Variants in ZCCHC7 observed in about 807,000 individuals in gnomAD.
ZCCHC7 encodes the protein zinc finger CCHC domain-containing protein 7.
Under a neutral mutation model 52.0 loss-of-function variants are expected in ZCCHC7, and 35 were observed. The ratio of observed to expected loss-of-function variants is 0.67; its 90% CI spans 0.51 to 0.89. ZCCHC7 has a LOEUF of 0.89. ZCCHC7 is among the 40% of genes least tolerant of loss of function. The probability of loss-of-function intolerance (pLI) is 0.00; values close to 1 mark genes in which losing one functional copy is unlikely to be tolerated. For missense variants in ZCCHC7, 574 were observed against 649.1 expected, an observed-to-expected ratio of 0.88 and a Z score of 1.26; for synonymous variants, 217 against 221.5, an observed-to-expected ratio of 0.98 and a Z score of 0.18.
At chr9:37,219,213 C>G (rs1047762211) in intron 2 of ZCCHC7, among the ~76,000 whole-genome samples, 2 of 152,246 alleles carry the variant, frequency 1.3e-5, no homozygotes, top group African/African-American at 4.8e-5. Flanking sequence ...CAGGCCACAT[C>G]TGGCCCAATG....
chr9:37,193,202 A>G (rs1588459208), intron 2 of ZCCHC7, among the ~76,000 whole-genome samples: 2 of 152,312 alleles, frequency 1.3e-5, no homozygotes, highest in East Asian at 3.9e-4. Flanking sequence ...ACATCTTTGT[A>G]TTGCTGAAAT....
intron 2 of ZCCHC7, among the ~76,000 whole-genome samples, chr9:37,168,305 C>T (rs1037286705): frequency 5.9e-5 from 9 of 151,978 alleles, no homozygotes; most frequent in South Asian, 2.1e-4. Context: ...TCAGGTGGGA[C>T]GGGAAATCTG....
chr9:37,189,494 C>G (rs1483080871), intron 2 of ZCCHC7, among the ~76,000 whole-genome samples: 3 of 152,164 alleles, frequency 2.0e-5, no homozygotes, highest in African/African-American at 7.2e-5. Context: ...TCAAGCGATT[C>G]TCCTGCGTCA....
intron 2 of ZCCHC7, among the ~76,000 whole-genome samples, chr9:37,207,553 A>G (rs528554131): frequency 4.2e-3 from 243 of 57,446 alleles, no homozygotes; most frequent in African/African-American, 0.015. Flanking sequence ...TTCTTGCTTC[A>G]TTTTTTCCTT....
chr9:37,218,355 A>G (rs1287820508), intron 2 of ZCCHC7, among the ~76,000 whole-genome samples: 1 of 152,204 alleles, frequency 6.6e-6, no homozygotes, highest in African/African-American at 2.4e-5. Flanking sequence ...CTGACTCCCC[A>G]AGTTAACTAT....
chr9:37,331,055 G>A (rs147098701), intron 6 of ZCCHC7, among the ~76,000 whole-genome samples: 1 of 151,826 alleles, frequency 6.6e-6, no homozygotes, highest in African/African-American at 2.4e-5. Flanking sequence ...TGATTTCTTT[G>A]TGTGCATTGT....
At chr9:37,154,910 A>C (rs904295575) in intron 2 of ZCCHC7, among the ~76,000 whole-genome samples, 1 of 152,212 alleles carries the variant, frequency 6.6e-6, no homozygotes, top group Non-Finnish European at 1.5e-5. Flanking sequence ...GATTTTTATT[A>C]AAGTATAGAG....
chr9:37,341,098 C>A (rs1350482279), intron 6 of ZCCHC7, among the ~76,000 whole-genome samples: 2 of 152,046 alleles, frequency 1.3e-5, no homozygotes, highest in African/African-American at 4.8e-5. Context: ...TTCAAAATCT[C>A]GATTAAGAAG....
chr9:37,231,751 C>T (rs534474623), intron 2 of ZCCHC7, among the ~76,000 whole-genome samples: 63 of 152,122 alleles, frequency 4.1e-4, no homozygotes, highest in Non-Finnish European at 7.6e-4. Context: ...TTTGGGGGCA[C>T]ATTTCACCTA....
chr9:37,215,973 G>T (rs1049067347), intron 2 of ZCCHC7, among the ~76,000 whole-genome samples: 8 of 152,144 alleles, frequency 5.3e-5, no homozygotes, highest in African/African-American at 1.7e-4. Context: ...TGGAATTTAT[G>T]TAGGAATTGT....
intron 2 of ZCCHC7, among the ~76,000 whole-genome samples, chr9:37,199,969 G>T (rs1416009798): frequency 6.6e-6 from 1 of 152,116 alleles, no homozygotes; most frequent in African/African-American, 2.4e-5. Flanking sequence ...GCCTCCCAAA[G>T]TGCTGGGATT....
chr9:37,181,377 A>G (rs190733752), intron 2 of ZCCHC7, among the ~76,000 whole-genome samples: 50 of 152,310 alleles, frequency 3.3e-4, no homozygotes, highest in Non-Finnish European at 1.0e-4. Flanking sequence ...TGTGATTTGC[A>G]CTGACTTCAA....
At chr9:37,158,000 G>A (rs554623636) in intron 2 of ZCCHC7, among the ~76,000 whole-genome samples, 9 of 152,350 alleles carry the variant, frequency 5.9e-5, no homozygotes, top group East Asian at 3.9e-4. Context: ...GCCATGTTAC[G>A]TTAGAGTATA....
At position 37,300,245 on chromosome 9, in the gene ZCCHC7, T is replaced by C. The variant is rs146992804; in HGVS notation, c.611-1943T>C. 7.4e-4 allele frequency among the ~76,000 whole-genome samples: 112 copies of C among 152,362 alleles called. 1 individual carries two copies. The highest frequency in any genetic ancestry group is 2.5e-3 in the African/African-American group (106 of 41,584). On this transcript the variant is annotated intron_variant, in intron 2 of 8. Coordinates refer to ENST00000336755, the MANE Select transcript of ZCCHC7 (RefSeq NM_032226.3). ...GCCATTTTGCATTTCATTGGTTTTA[T>C]ATTTCATTTTTTAAGAACAATTTTA...
Position 37,356,929 on chromosome 9 carries a change from T to C in ZCCHC7, c.1293T>C (p.Arg431=). 2 of 1,613,782 alleles carry C rather than the reference T, an allele frequency of 1.2e-6. No homozygotes were observed. The highest frequency in any genetic ancestry group is 1.7e-6 in the Non-Finnish European group (2 of 1,179,926). ...CCCACCATGATATAAGGAAGGGCCG[T>C]GCCTCATGGAAAAGCAACAGGTGGC... ...ENPHHDIRKG[R]ASWKSNRWPQ... Residue 431 remains arginine, a synonymous_variant, in exon 9 of 9, where the codon CGT becomes CGC. Coordinates refer to ENST00000336755, the MANE Select transcript of ZCCHC7 (RefSeq NM_032226.3).
At chr9:37,317,163 TATACTA>T (rs566935252) in intron 5 of ZCCHC7, among the ~76,000 whole-genome samples, 2 of 152,272 alleles carry the variant, frequency 1.3e-5, no homozygotes, top group Non-Finnish European at 2.9e-5. Flanking sequence ...AAACAAAAAT[TATACTA>T]ATATCCAGAG....
intron 2 of ZCCHC7, among the ~76,000 whole-genome samples, chr9:37,230,339 T>A (rs911065178): frequency 1.2e-4 from 19 of 152,174 alleles, no homozygotes; most frequent in African/African-American, 4.6e-4. Flanking sequence ...GAGTAATGCA[T>A]TGTTAAAACA....
chr9:37,146,650 C>A (rs1843447203), intron 2 of ZCCHC7, among the ~76,000 whole-genome samples: 1 of 151,886 alleles, frequency 6.6e-6, no homozygotes, highest in African/African-American at 2.4e-5. Flanking sequence ...AAAGTAGTTT[C>A]TTTTGAGAGA....
chr9:37,222,326 A>AGT (rs1491397520), intron 2 of ZCCHC7, among the ~76,000 whole-genome samples: 2 of 121,520 alleles, frequency 1.6e-5, no homozygotes, highest in East Asian at 2.6e-4. Context: ...CCAGAATAAC[A>AGT]GAGTGTGTGT....
Sources: gnomAD v4.1 joint callset for allele counts (sites outside exome capture counted in the v4.1 genomes callset) on GRCh38, gnomAD v4.1.1 for gene constraint, MANE v1.5 for transcripts, NCBI Gene and HGNC (gene_info 2026-07-23, HGNC 2026-07-21) for gene names.